KLF8: variants seen among roughly 807,000 people sequenced by gnomAD.
The protein encoded by KLF8 is Krueppel-like factor 8.
In KLF8, 10 loss-of-function variants were observed where a neutral mutation model predicts 18.2. That is an observed-to-expected ratio of 0.55 (90% confidence interval 0.34 to 0.93). The LOEUF (loss-of-function observed/expected upper bound fraction) is 0.93. Ranked by LOEUF, KLF8 falls within the 40% of genes least tolerant of loss-of-function variation. The pLI is 0.02. For synonymous variants in KLF8, 109 were observed against 97.3 expected (o/e 1.12, Z -0.71); for missense variants, 264 against 277.9 (o/e 0.95, Z 0.36).
intron 3 of KLF8, 103 bp from the exon 4 acceptor site, chrX:56,269,275 G>A: frequency 9.8e-7 from 1 of 1,018,234 alleles, no homozygotes; most frequent in Non-Finnish European, 1.3e-6. Context: ...TTATTTTTCT[G>A]TCTTGCTGCC....
chrX:56,057,181 G>A, the KLF8 span, among the ~76,000 whole-genome samples: 1 of 111,814 alleles, frequency 8.9e-6, no homozygotes, highest in Non-Finnish European at 1.9e-5. Flanking sequence ...AGGTCTGTGT[G>A]CATTCTTTTT....
At chrX:56,079,368 C>T in the KLF8 span, among the ~76,000 whole-genome samples, 6 of 111,160 alleles carry the variant, frequency 5.4e-5, no homozygotes, top group Non-Finnish European at 9.4e-5. Flanking sequence ...TTTCAAAGAA[C>T]ATCTTTATTT....
chrX:56,056,908 C>T, the KLF8 span, among the ~76,000 whole-genome samples: 4 of 107,776 alleles, frequency 3.7e-5, no homozygotes, highest in African/African-American at 1.4e-4. Flanking sequence ...TCACTAGACT[C>T]TGATGGGTGG....
chrX:56,190,243 A>C, the KLF8 span, among the ~76,000 whole-genome samples: 8 of 111,170 alleles, frequency 7.2e-5, no homozygotes, highest in South Asian at 3.0e-3. Context: ...TAGAAGGTCA[A>C]TACACAATGA....
At chrX:56,174,419 A>T in the KLF8 span, among the ~76,000 whole-genome samples, 2 of 111,878 alleles carry the variant, frequency 1.8e-5, no homozygotes, top group African/African-American at 6.5e-5. Context: ...CGTATGTTGA[A>T]CCAGCCTTGC....
chrX:56,026,019 G>A, the KLF8 span, among the ~76,000 whole-genome samples: 9,912 of 111,789 alleles, frequency 0.089, 1,076 homozygotes, highest in African/African-American at 0.31. Flanking sequence ...TGCTTCGGCC[G>A]TGCGTAGACC....
chrX:56,269,798 TG>T (rs1201974354), intron 4 of KLF8, among the ~76,000 whole-genome samples: 1 of 112,626 alleles, frequency 8.9e-6, no homozygotes, highest in African/African-American at 3.2e-5. Flanking sequence ...AAAACAGCTT[TG>T]TCTTTCAATA....
chrX:56,163,426 A>T, the KLF8 span, among the ~76,000 whole-genome samples: 1 of 111,618 alleles, frequency 9.0e-6, no homozygotes, highest in African/African-American at 3.3e-5. Flanking sequence ...CCCTTTGCCC[A>T]CTTTTTAATG....
At chrX:56,138,020 C>G in the KLF8 span, among the ~76,000 whole-genome samples, 1 of 80,689 alleles carries the variant, frequency 1.2e-5, no homozygotes. Flanking sequence ...GACAAAGTGG[C>G]CATTACCACT....
At chrX:56,136,905 C>A in the KLF8 span, among the ~76,000 whole-genome samples, 1 of 111,014 alleles carries the variant, frequency 9.0e-6, no homozygotes, top group Non-Finnish European at 1.9e-5. Flanking sequence ...AACAAATTTA[C>A]AAGAAAAAAA....
the KLF8 span, among the ~76,000 whole-genome samples, chrX:56,017,725 C>A: frequency 9.0e-6 from 1 of 111,146 alleles, no homozygotes; most frequent in Non-Finnish European, 1.9e-5. Context: ...TTATTTAGTT[C>A]TCTTTTTAGT....
chrX:56,278,616 G>T (rs1270707995), intron 5 of KLF8, among the ~76,000 whole-genome samples: 1 of 111,473 alleles, frequency 9.0e-6, no homozygotes, highest in Non-Finnish European at 1.9e-5. Flanking sequence ...GCATCCTAGG[G>T]TTGGGGAAGG....
At chrX:56,050,835 G>T in the KLF8 span, among the ~76,000 whole-genome samples, 1 of 110,016 alleles carries the variant, frequency 9.1e-6, no homozygotes, top group Non-Finnish European at 1.9e-5. Context: ...TTGACTTTCT[G>T]TCTCATTGAT....
the KLF8 span, among the ~76,000 whole-genome samples, chrX:55,998,341 G>A: frequency 9.0e-6 from 1 of 111,494 alleles, no homozygotes; most frequent in Non-Finnish European, 1.9e-5. Flanking sequence ...CTGGGGGACG[G>A]TCAGGTCTTT....
intron 5 of KLF8, among the ~76,000 whole-genome samples, chrX:56,276,254 T>C (rs2067121504): frequency 9.1e-6 from 1 of 109,844 alleles, no homozygotes; most frequent in South Asian, 4.1e-4. Flanking sequence ...TAATTATGGC[T>C]TTTGTCTCAT....
the KLF8 span, among the ~76,000 whole-genome samples, chrX:55,914,724 C>A: frequency 9.0e-6 from 1 of 110,911 alleles, no homozygotes; most frequent in Admixed American, 9.6e-5. Context: ...ATGTATAAAT[C>A]AATGGAGACA....
the KLF8 span, among the ~76,000 whole-genome samples, chrX:56,158,995 C>T: frequency 9.0e-6 from 1 of 111,629 alleles, no homozygotes; most frequent in Non-Finnish European, 1.9e-5. Context: ...CCTGTTTTTG[C>T]CCATTCAGTA....
At chrX:55,929,772 C>T in the KLF8 span, among the ~76,000 whole-genome samples, 2 of 109,933 alleles carry the variant, frequency 1.8e-5, no homozygotes, top group Admixed American at 1.9e-4. Context: ...TTACTGTAGC[C>T]ATGTAGTGTA....
At chrX:56,169,737 C>G in the KLF8 span, among the ~76,000 whole-genome samples, 1 of 112,021 alleles carries the variant, frequency 8.9e-6, no homozygotes, top group East Asian at 2.8e-4. Context: ...CATGGCATCT[C>G]TGGACCCACC....
Sources: allele counts gnomAD v4.1 joint callset (sites outside exome capture counted in the v4.1 genomes callset), GRCh38; gene constraint gnomAD v4.1.1; transcripts MANE v1.5; gene names NCBI Gene and HGNC (gene_info 2026-07-23, HGNC 2026-07-21).